Variants in LOXL4 observed in about 807,000 individuals in gnomAD.
The protein encoded by LOXL4 is lysyl oxidase homolog 4.
In LOXL4, 72 loss-of-function variants were observed where a neutral mutation model predicts 89.1. The ratio of observed to expected loss-of-function variants is 0.81; its 90% CI spans 0.67 to 0.98. The LOEUF is 0.98. Ranked by LOEUF, LOXL4 falls within the 50% of genes least tolerant of loss-of-function variation. The pLI is 0.00. For missense variants in LOXL4, 984 were observed against 1,017.5 expected (o/e 0.97, Z 0.45); for synonymous variants, 355 against 392.1 (o/e 0.91, Z 1.12).
chr10:98,248,041 G>A lies in LOXL4; in HGVS notation c.*880C>T, dbSNP rs1326103822. ...ATGCAAAGTTCACTTCAGACACTTG[G>A]TTGAGACTTGAAGTTTAGACCAATC... On this transcript the variant is annotated 3_prime_UTR_variant, in exon 15 of 15. Coordinates refer to ENST00000260702, the MANE Select transcript of LOXL4 (RefSeq NM_032211.7). 6.6e-6 allele frequency: 1 copy of A among 152,204 alleles called. No individual in the cohort carries two copies. Among genetic ancestry groups the A allele is most frequent in the Admixed American group, 6.5e-5 (1 of 15,274 alleles). The allele number at this position is 152,204 out of a possible 1,614,324, so 9.4% of individuals were successfully genotyped here.
intron 14 of LOXL4, 110 bp from the exon 15 acceptor site, chr10:98,249,101 G>A: frequency 1.3e-6 from 1 of 796,936 alleles, no homozygotes; most frequent in Non-Finnish European, 2.1e-6. Flanking sequence ...TCAAGTCATG[G>A]CATGGGCACA....
chr10:98,252,243 C>T, intron 12 of LOXL4, 110 bp downstream of exon 12: 1 of 763,500 alleles, frequency 1.3e-6, no homozygotes, highest in African/African-American at 1.8e-5. Context: ...AAGCCAGGGT[C>T]TCCAGGTGCC....
rs1001916891 is a variant in LOXL4 at position 98,260,957 on chromosome 10, G to A, written c.627C>T (p.Phe209=). 1.9e-6 allele frequency: 3 copies of A among 1,613,400 alleles called. No individual in the cohort carries two copies. Among genetic ancestry groups the A allele is most frequent in the Non-Finnish European group, 2.5e-6 (3 of 1,179,908 alleles). ...GGCTGTCGACAGGCACCTCGCTGGG[G>A]AAGCCCAGCATCCCGCACACCACCC... ...NSRVVCGMLG[F]PSEVPVDSHY... The change falls in exon 4 of 15, where the codon TTC becomes TTT. Residue 209 remains phenylalanine (F), a synonymous_variant. Coordinates refer to ENST00000260702, the MANE Select transcript of LOXL4 (RefSeq NM_032211.7).
At chr10:98,257,530 C>A in intron 8 of LOXL4, 120 bp downstream of exon 8, 1 of 1,262,172 alleles carries the variant, frequency 7.9e-7, no homozygotes. Flanking sequence ...GACTGGTGCC[C>A]AAAGCAGAAG....
chr10:98,255,512 G>A (rs1418410423), intron 10 of LOXL4, 65 bp downstream of exon 10: 2 of 1,518,640 alleles, frequency 1.3e-6, no homozygotes, highest in African/African-American at 1.4e-5. Context: ...CCAGCATGCA[G>A]GGCCCTCCCT....
intron 1 of LOXL4, among the ~76,000 whole-genome samples, chr10:98,264,836 C>T (rs962500111): frequency 6.8e-6 from 1 of 146,808 alleles, no homozygotes; most frequent in Non-Finnish European, 1.5e-5. Context: ...AAAGCTCGTT[C>T]TGATGAGACC....
chr10:98,253,412 C>A lies in LOXL4; in HGVS notation c.1835+141G>T, dbSNP rs1590876562. On this transcript the variant is annotated intron_variant, in intron 11 of 14. Transcript: ENST00000260702. ...CAGGTGGATGCCGCTGTCCTCACTG[C>A]CTCCTGCAGGCAAGGCCAGCAAGGA... The A allele has an allele frequency of 8.4e-6, 10 of 1,185,970 alleles. No homozygotes were observed. In the East Asian group the frequency reaches 2.4e-4, roughly 29 times the overall value. 73.5% of individuals were successfully genotyped at this position (1,185,970 alleles called of 1,614,324 possible).
rs747347208 is a variant in LOXL4 at position 98,248,906 on chromosome 10, T to C, written c.*15A>G. 2 of 1,608,680 alleles carry C rather than the reference T, an allele frequency of 1.2e-6. No homozygotes were observed. Among genetic ancestry groups the C allele is most frequent in the East Asian group, 2.2e-5 (1 of 44,832 alleles). ...CTGGTGTATCGGCAGCAGCTAGGAG[T>C]GTGCAGTGACAGCTTCAGATGAGGT... On this transcript the variant is annotated 3_prime_UTR_variant, in exon 15 of 15. Coordinates refer to ENST00000260702, the MANE Select transcript of LOXL4 (RefSeq NM_032211.7).
Position 98,251,683 on chromosome 10 carries a change from T to C in LOXL4, c.1971A>G (p.Ala657=), listed in dbSNP as rs767557610. The part of the protein sequence containing the change: ...NCPTGLQRRY[A]CANFGEQGVT... ...CTCCCTGTTCTCCAAAGTTGGCACA[T>C]GCGTAGCGCCGCTGCAGTCCTGTAA... is the stretch of plus-strand genomic sequence containing the variant. The change falls in exon 13 of 15, where the codon GCA becomes GCG. Residue 657 remains alanine (A), a synonymous_variant. Transcript: ENST00000260702. 3.1e-6 allele frequency: 5 copies of C among 1,614,224 alleles called. No homozygotes were observed. The Admixed American group carries it at 8.3e-5, about 27-fold the overall frequency.
At position 98,261,054 on chromosome 10, in the gene LOXL4, C is replaced by T. The variant is rs553154874; in HGVS notation, c.530G>A (p.Gly177Glu). 2 of 1,614,024 alleles carry T rather than the reference C, an allele frequency of 1.2e-6. No individual in the cohort carries two copies. The highest frequency in any genetic ancestry group is 2.2e-5 in the East Asian group (1 of 44,878). The change falls in exon 4 of 15, where the codon GGA becomes GAA. Residue 177 changes from glycine (G) to glutamate (E), a missense_variant. Coordinates refer to ENST00000260702, the MANE Select transcript of LOXL4 (RefSeq NM_032211.7). ...SAKQHSPVTE[G>E]AVEVKYEGHW... is the part of the protein sequence containing the mutation. ...GCCCTCATACTTCACCTCCACGGCT[C>T]CCTCGGTCACTGGGCTATGCTGCTT...
chr10:98,255,990 C>G, intron 9 of LOXL4: 1 of 426,838 alleles, frequency 2.3e-6, no homozygotes, highest in Non-Finnish European at 4.2e-6. Context: ...TGGCCCTACA[C>G]CCCTCTCTCT....
At chr10:98,263,922 G>A (rs1034264623) in intron 1 of LOXL4, among the ~76,000 whole-genome samples, 1 of 151,722 alleles carries the variant, frequency 6.6e-6, no homozygotes, top group Admixed American at 6.6e-5. Context: ...TAGTAGAGAC[G>A]GGGTTTCACC....
intron 1 of LOXL4, among the ~76,000 whole-genome samples, chr10:98,265,918 G>T (rs1480805105): frequency 6.6e-6 from 1 of 152,110 alleles, no homozygotes; most frequent in African/African-American, 2.4e-5. Flanking sequence ...CTGAGGCTGT[G>T]CAGGGGCTGC....
chr10:98,260,731 C>T (rs1221482720), intron 4 of LOXL4, among the ~76,000 whole-genome samples, 191 bp downstream of exon 4: 1 of 152,162 alleles, frequency 6.6e-6, no homozygotes, highest in African/African-American at 2.4e-5. Flanking sequence ...TCAGTACTCA[C>T]TGAACTCTGC....
intron 3 of LOXL4, 113 bp from the exon 4 acceptor site, chr10:98,261,240 C>T: frequency 1.8e-6 from 2 of 1,114,284 alleles, no homozygotes; most frequent in Non-Finnish European, 2.6e-6. Flanking sequence ...GACCATCCCA[C>T]CCAGCCCGGT....
chr10:98,258,557 T>A (rs1858448691), intron 6 of LOXL4, among the ~76,000 whole-genome samples: 1 of 151,814 alleles, frequency 6.6e-6, no homozygotes, highest in African/African-American at 2.4e-5. Context: ...AAGGTGTCTG[T>A]ACCACCTCAC....
At chr10:98,250,968 C>G (rs1032028781) in intron 14 of LOXL4, 97 bp downstream of exon 14, 2 of 839,680 alleles carry the variant, frequency 2.4e-6, no homozygotes, top group Non-Finnish European at 4.0e-6. Flanking sequence ...CACACACATA[C>G]AAGTCACACG....
rs571598967 is a variant in LOXL4, at chr10:98,266,513, C to A, written c.-33+1619G>T. Among the ~76,000 whole-genome samples, 24 of 152,224 alleles carry A rather than the reference C, an allele frequency of 1.6e-4. No homozygotes were observed. The South Asian group carries it at 5.0e-3, about 32-fold the overall frequency. Reference sequence around the variant, plus strand: ...AGCAGCTCCTTCCTCTCCAAGGGACCAACCTGAGGGCATGGGAGGGCTTCT... The same window carrying A: ...AGCAGCTCCTTCCTCTCCAAGGGACAAACCTGAGGGCATGGGAGGGCTTCT... On this transcript the variant is annotated intron_variant, in intron 1 of 14. Transcript: ENST00000260702.
chr10:98,250,563 C>T (rs1309290605), intron 14 of LOXL4, among the ~76,000 whole-genome samples: 1 of 152,126 alleles, frequency 6.6e-6, no homozygotes, highest in Non-Finnish European at 1.5e-5. Flanking sequence ...TCTTCTCTGC[C>T]CCCACTGGAT....
Sources: allele counts gnomAD v4.1 joint callset (sites outside exome capture counted in the v4.1 genomes callset), GRCh38; gene constraint gnomAD v4.1.1; transcripts MANE v1.5; gene names NCBI Gene and HGNC (gene_info 2026-07-23, HGNC 2026-07-21).